Variants in AS3MT observed in about 807,000 individuals in gnomAD.
AS3MT encodes arsenite methyltransferase, also known as S-adenosyl-L-methionine:arsenic(III) methyltransferase.
Under a neutral mutation model 45.3 loss-of-function variants are expected in AS3MT, and 47 were observed. The ratio of observed to expected loss-of-function variants is 1.04; its 90% confidence interval spans 0.82 to 1.32. The LOEUF (loss-of-function observed/expected upper bound fraction) is 1.32. Among genes scored for constraint, AS3MT ranks in the 40% most tolerant of loss-of-function variants. AS3MT has a pLI of 0.00. For missense variants in AS3MT, 396 were observed against 451.1 expected (o/e 0.88, Z 1.11); for synonymous variants, 141 against 152.8 (o/e 0.92, Z 0.57).
rs374362104 is a variant in AS3MT at position 102,874,709 on chromosome 10, G to A, written c.528+48G>A. 72 of 1,347,090 alleles carry A rather than the reference G, an allele frequency of 5.3e-5. No homozygotes were observed. The East Asian group carries it at 1.4e-3, about 27-fold the overall frequency. 83.4% of individuals were successfully genotyped at this position (1,347,090 alleles called of 1,614,324 possible). A position where few individuals can be genotyped will look rare whatever the true frequency, so the allele number is the denominator to read the frequency against. On this transcript the variant is annotated intron_variant, in intron 6 of 10. Coordinates refer to ENST00000369880, the MANE Select transcript of AS3MT (RefSeq NM_020682.4). ...TTATCTTTGAACATCAGTAAGAGCTGATGGGTTAAGTCTTGTTTGTTCCCC... is the reference window on the plus strand; with the variant it reads ...TTATCTTTGAACATCAGTAAGAGCTAATGGGTTAAGTCTTGTTTGTTCCCC...
At chr10:102,897,153 G>C (rs1845186510) in intron 10 of AS3MT, among the ~76,000 whole-genome samples, 1 of 152,076 alleles carries the variant, frequency 6.6e-6, no homozygotes, top group Non-Finnish European at 1.5e-5. Context: ...GGGAGGCCGA[G>C]GCGGGTGGAT....
chr10:102,897,836 T>C (rs1224141607), intron 10 of AS3MT, among the ~76,000 whole-genome samples: 7 of 152,252 alleles, frequency 4.6e-5, no homozygotes, highest in Non-Finnish European at 8.8e-5. Context: ...TCTTTCTGCG[T>C]AGCTGTCCTT....
Position 102,877,022 on chromosome 10 carries a change from CA to C in AS3MT, c.600del (p.Val201PhefsTer86). The C allele has an allele frequency of 6.2e-7, 1 of 1,614,068 alleles. No individual in the cohort carries two copies. Among genetic ancestry groups the C allele is most frequent in the Non-Finnish European group, 8.5e-7 (1 of 1,179,940 alleles). On this transcript the variant is annotated frameshift_variant, in exon 7 of 11. Transcript: ENST00000369880. LOFTEE classifies it high-confidence loss of function. ...LELPEEIRTH[K>X]VLWGECLGGA... ...AACTGCCAGAAGAAATCAGGACACA[CA>C]AAGTTTTATGGGGTAGGTGATTTTG...
intron 10 of AS3MT, among the ~76,000 whole-genome samples, chr10:102,898,981 C>T (rs1310140447): frequency 6.6e-6 from 1 of 152,208 alleles, no homozygotes; most frequent in Non-Finnish European, 1.5e-5. Flanking sequence ...CTGCTTATAT[C>T]TGGGTACCCC....
At chr10:102,888,865 A>C (rs1845004173) in intron 9 of AS3MT, among the ~76,000 whole-genome samples, 2 of 83,518 alleles carry the variant, frequency 2.4e-5, no homozygotes, top group Non-Finnish European at 4.7e-5. Flanking sequence ...ATATATATAT[A>C]TATATATATA....
intron 9 of AS3MT, among the ~76,000 whole-genome samples, chr10:102,880,753 A>G (rs1286450195): frequency 6.6e-6 from 1 of 152,214 alleles, no homozygotes; most frequent in African/African-American, 2.4e-5. Flanking sequence ...TGCTTCAAAT[A>G]AAAGTCAAAC....
At chr10:102,899,815 G>C (rs1845242349) in intron 10 of AS3MT, among the ~76,000 whole-genome samples, 1 of 151,796 alleles carries the variant, frequency 6.6e-6, no homozygotes, top group South Asian at 2.1e-4. Flanking sequence ...CTACAGACGT[G>C]CCACCACACC....
chr10:102,869,879 G>A, intron 2 of AS3MT, 34 bp downstream of exon 2: 1 of 1,612,750 alleles, frequency 6.2e-7, no homozygotes, highest in South Asian at 1.1e-5. Context: ...GGCCCAAGTG[G>A]AGCCTAGGCT....
chr10:102,875,522 A>G (rs890303330), intron 6 of AS3MT, among the ~76,000 whole-genome samples: 1 of 150,546 alleles, frequency 6.6e-6, no homozygotes, highest in Non-Finnish European at 1.5e-5. Flanking sequence ...TGGGTGGTAC[A>G]TGCCTGTACT....
chr10:102,890,094 G>A (rs1317795879), intron 9 of AS3MT, among the ~76,000 whole-genome samples: 7 of 149,350 alleles, frequency 4.7e-5, no homozygotes, highest in Admixed American at 6.8e-5. Context: ...TCCACCTCCC[G>A]GGTTCACACC....
intron 9 of AS3MT, among the ~76,000 whole-genome samples, chr10:102,884,261 C>T (rs943254083): frequency 2.6e-5 from 4 of 151,900 alleles, no homozygotes; most frequent in Non-Finnish European, 4.4e-5. Flanking sequence ...ATTACAGGCG[C>T]GAGGTGCCCA....
chr10:102,888,709 C>A (rs112507051), intron 9 of AS3MT, among the ~76,000 whole-genome samples: 1 of 150,600 alleles, frequency 6.6e-6, no homozygotes, highest in African/African-American at 2.4e-5. Flanking sequence ...GCATGAGCCA[C>A]CACACCTGGC....
At position 102,873,642 on chromosome 10, in the gene AS3MT, A is replaced by G. The variant is rs192700453; in HGVS notation, c.458+409A>G. On this transcript the variant is annotated intron_variant, in intron 5 of 10. Coordinates refer to ENST00000369880, the MANE Select transcript of AS3MT (RefSeq NM_020682.4). ...ATTACTGTTTGCTGAATTGACTCTC[A>G]TTTAGGGTGTTAAACTAAACTTAGC... 1.6e-4 allele frequency among the ~76,000 whole-genome samples: 25 copies of G among 152,250 alleles called. No homozygotes were observed. The East Asian group carries it at 4.2e-3, about 26-fold the overall frequency.
chr10:102,889,572 T>C (rs1412945841), intron 9 of AS3MT, among the ~76,000 whole-genome samples: 1 of 150,704 alleles, frequency 6.6e-6, no homozygotes. Context: ...CCTGACATAC[T>C]GATTTCATTT....
chr10:102,882,638 G>A lies in AS3MT; in HGVS notation c.885+3647G>A, dbSNP rs377467391. Among the ~76,000 whole-genome samples, 10 of 151,776 alleles carry A rather than the reference G, an allele frequency of 6.6e-5. No individual in the cohort carries two copies. In the East Asian group the frequency reaches 1.2e-3, roughly 18 times the overall value. ...GGAGTCTTGCTCTGTTGCCTAGGCTGGAGTGCAGTGACTCAATCTCAGCTC... is the reference window on the plus strand; with the variant it reads ...GGAGTCTTGCTCTGTTGCCTAGGCTAGAGTGCAGTGACTCAATCTCAGCTC... On this transcript the variant is annotated intron_variant, in intron 9 of 10. Coordinates refer to ENST00000369880, the MANE Select transcript of AS3MT (RefSeq NM_020682.4).
At chr10:102,879,758 G>GAC (rs1343926504) in intron 9 of AS3MT, among the ~76,000 whole-genome samples, 3 of 118,774 alleles carry the variant, frequency 2.5e-5, no homozygotes, top group South Asian at 5.6e-4. Context: ...AACAGAGTGA[G>GAC]ACTCCATCTC....
chr10:102,878,205 C>T (rs184240950), intron 7 of AS3MT, among the ~76,000 whole-genome samples, 174 bp from the exon 8 acceptor site: 136 of 152,254 alleles, frequency 8.9e-4, no homozygotes, highest in African/African-American at 2.8e-3. Flanking sequence ...CTAGCACACC[C>T]AGTCTTAACC....
intron 3 of AS3MT, 31 bp downstream of exon 3, chr10:102,870,242 C>T (rs1385190607): frequency 6.2e-7 from 1 of 1,612,176 alleles, no homozygotes; most frequent in Non-Finnish European, 8.5e-7. Flanking sequence ...CCCAGGAAGA[C>T]CCCAAACAGC....
At chr10:102,893,557 G>A (rs1195842486) in intron 10 of AS3MT, among the ~76,000 whole-genome samples, 2 of 147,186 alleles carry the variant, frequency 1.4e-5, no homozygotes, top group Non-Finnish European at 3.0e-5. Context: ...GTGCAGTGGT[G>A]CGACCTCGGC....
Sources: gnomAD v4.1 joint callset for allele counts (sites outside exome capture counted in the v4.1 genomes callset) on GRCh38, gnomAD v4.1.1 for gene constraint, MANE v1.5 for transcripts, NCBI Gene and HGNC (gene_info 2026-07-23, HGNC 2026-07-21) for gene names.